The following COL19A1 variants were observed in gnomAD, a reference collection of about 807,000 sequenced individuals.
COL19A1 encodes the protein collagen type XIX alpha 1 chain.
Under a neutral mutation model 190.2 loss-of-function variants are expected in COL19A1, and 159 were observed. The ratio of observed to expected loss-of-function variants is 0.84; its 90% CI spans 0.73 to 0.95. The LOEUF is 0.95. Among genes scored for constraint, COL19A1 ranks in the 40% least tolerant of loss-of-function variants. The pLI is 0.00. For missense variants in COL19A1, 1,418 were observed against 1,431.9 expected (o/e 0.99, Z 0.16); for synonymous variants, 509 against 458.9 (o/e 1.11, Z -1.39).
At chr6:70,025,927 A>T (rs527451111) in intron 12 of COL19A1, among the ~76,000 whole-genome samples, 3 of 152,232 alleles carry the variant, frequency 2.0e-5, no homozygotes, top group Admixed American at 2.0e-4. Flanking sequence ...ATAGCCCAAC[A>T]TGTTGACCGT....
At chr6:70,062,368 A>C (rs1283984720) in intron 14 of COL19A1, among the ~76,000 whole-genome samples, 1 of 152,156 alleles carries the variant, frequency 6.6e-6, no homozygotes, top group Admixed American at 6.6e-5. Context: ...AGATGGTGAA[A>C]TTAAGCATGT....
intron 44 of COL19A1, among the ~76,000 whole-genome samples, chr6:70,184,178 A>G (rs1424523987): frequency 6.6e-6 from 1 of 152,154 alleles, no homozygotes; most frequent in Non-Finnish European, 1.5e-5. Context: ...TTTATTTCAT[A>G]GTAGGATCAT....
At chr6:70,021,098 A>G (rs1778391566) in intron 11 of COL19A1, among the ~76,000 whole-genome samples, 1 of 152,170 alleles carries the variant, frequency 6.6e-6, no homozygotes, top group South Asian at 2.1e-4. Flanking sequence ...AAATGACAAC[A>G]ATAAATCAAA....
chr6:69,985,592 T>C (rs1295791188), intron 11 of COL19A1, among the ~76,000 whole-genome samples: 1 of 152,130 alleles, frequency 6.6e-6, no homozygotes, highest in Admixed American at 6.5e-5. Context: ...TGAGTATATA[T>C]GCAAACAGCC....
intron 11 of COL19A1, among the ~76,000 whole-genome samples, chr6:69,984,991 C>T (rs1392415547): frequency 6.6e-6 from 1 of 152,082 alleles, no homozygotes; most frequent in Non-Finnish European, 1.5e-5. Flanking sequence ...GAACTGGTAA[C>T]ATTTGAAGAA....
At chr6:70,064,254 C>T (rs904487508) in intron 14 of COL19A1, among the ~76,000 whole-genome samples, 6 of 152,162 alleles carry the variant, frequency 3.9e-5, no homozygotes, top group African/African-American at 9.7e-5. Context: ...CCGAATCCAG[C>T]AGCACATCAA....
At position 70,074,516 on chromosome 6, in the gene COL19A1, A is replaced by AAAAAG. The variant is rs1306737214; in HGVS notation, c.1224+6041_1224+6042insAAAGA. 4.0e-5 allele frequency among the ~76,000 whole-genome samples: 6 copies of AAAAAG among 149,344 alleles called. No homozygotes were observed. In the East Asian group the frequency reaches 7.8e-4, roughly 19 times the overall value. On this transcript the variant is annotated intron_variant, in intron 15 of 50. Coordinates refer to ENST00000620364, the MANE Select transcript of COL19A1 (RefSeq NM_001858.6). The stretch of plus-strand genomic sequence containing the variant: ...TCCACCTCAAAAAAAAAAAAAAAAA[A>AAAAAG]AGAGAGAGAAAGAGTATTTCTTCTT...
chr6:70,076,842 T>G (rs1159483762), intron 15 of COL19A1, among the ~76,000 whole-genome samples: 2 of 152,196 alleles, frequency 1.3e-5, no homozygotes, highest in African/African-American at 2.4e-5. Context: ...AGTGGCGATA[T>G]GCTAATACAC....
chr6:69,894,894 G>A (rs1196380384), intron 2 of COL19A1, among the ~76,000 whole-genome samples: 1 of 152,224 alleles, frequency 6.6e-6, no homozygotes, highest in Non-Finnish European at 1.5e-5. Flanking sequence ...GTGATGGTTG[G>A]GGGATCTGGC....
Position 70,105,350 on chromosome 6 carries a change from G to A in COL19A1, c.1278+3128G>A, listed in dbSNP as rs562105716. ...TTTTTGTATTTTTAGTAGAGACAGGGTTTTACCATGTTGGCCAGGATGGTC... is the reference window on the plus strand; with the variant it reads ...TTTTTGTATTTTTAGTAGAGACAGGATTTTACCATGTTGGCCAGGATGGTC... On this transcript the variant is annotated intron_variant, in intron 16 of 50. Transcript: ENST00000620364. Among the ~76,000 whole-genome samples, 702 of 152,142 alleles carry A rather than the reference G, an allele frequency of 4.6e-3. 5 individuals are homozygous for A. Among genetic ancestry groups the A allele is most frequent in the African/African-American group, 0.016 (675 of 41,512 alleles).
chr6:69,909,144 A>G (rs996968775), intron 4 of COL19A1, among the ~76,000 whole-genome samples: 2 of 152,166 alleles, frequency 1.3e-5, no homozygotes, highest in African/African-American at 4.8e-5. Context: ...AGAAGCTGCA[A>G]TTCATTTACA....
chr6:70,172,436 G>A (rs965301343), intron 41 of COL19A1, among the ~76,000 whole-genome samples: 4 of 152,106 alleles, frequency 2.6e-5, no homozygotes, highest in African/African-American at 9.7e-5. Context: ...GACCAGGGGA[G>A]GGAGTGAGGA....
chr6:70,096,026 T>C (rs1339458774), intron 15 of COL19A1, among the ~76,000 whole-genome samples: 1 of 152,128 alleles, frequency 6.6e-6, no homozygotes, highest in Non-Finnish European at 1.5e-5. Context: ...CTTAAAACTG[T>C]TTCCAATTGT....
intron 49 of COL19A1, among the ~76,000 whole-genome samples, chr6:70,205,280 GA>G (rs1767787320): frequency 6.6e-6 from 1 of 152,202 alleles, no homozygotes. Context: ...ATGTTGTTCA[GA>G]TAATAATGTG....
chr6:70,030,028 C>T (rs189955450), intron 12 of COL19A1, among the ~76,000 whole-genome samples: 4 of 152,274 alleles, frequency 2.6e-5, no homozygotes, highest in East Asian at 1.9e-4. Context: ...AAAGGCCATT[C>T]GTCTTCTGAC....
intron 16 of COL19A1, among the ~76,000 whole-genome samples, chr6:70,109,560 G>A (rs1469016783): frequency 6.6e-6 from 1 of 151,454 alleles, no homozygotes; most frequent in East Asian, 1.9e-4. Flanking sequence ...GTGTGTGTGT[G>A]TGTGTGTGTG....
At chr6:69,879,357 C>T (rs771620043) in intron 1 of COL19A1, among the ~76,000 whole-genome samples, 179 bp from the exon 2 acceptor site, 1 of 152,114 alleles carries the variant, frequency 6.6e-6, no homozygotes. Context: ...TTTCAGAGCC[C>T]TTATCATACA....
intron 14 of COL19A1, among the ~76,000 whole-genome samples, chr6:70,058,262 T>G (rs1780622370): frequency 1.3e-5 from 2 of 152,076 alleles, no homozygotes; most frequent in Admixed American, 1.3e-4. Flanking sequence ...GTCCCATGTC[T>G]GAAATGATTC....
intron 24 of COL19A1, 78 bp from the exon 25 acceptor site, chr6:70,144,840 A>G (rs1037702251): frequency 7.8e-6 from 7 of 892,900 alleles, no homozygotes; most frequent in African/African-American, 6.8e-5. Flanking sequence ...ACAACTTAAA[A>G]CAATGGAAAC....
Sources: gnomAD v4.1 joint callset for allele counts (sites outside exome capture counted in the v4.1 genomes callset) on GRCh38, gnomAD v4.1.1 for gene constraint, MANE v1.5 for transcripts, NCBI Gene and HGNC (gene_info 2026-07-23, HGNC 2026-07-21) for gene names.